Variants in GSTCD observed in about 807,000 individuals in gnomAD.
The protein encoded by GSTCD is glutathione S-transferase C-terminal domain-containing protein.
In GSTCD, 44 loss-of-function variants were observed where a neutral mutation model predicts 68.3. The observed-to-expected ratio is 0.64, with a 90% CI of 0.51 to 0.83. The LOEUF is 0.83. Ranked by LOEUF, GSTCD falls within the 40% of genes least tolerant of loss-of-function variation. The probability of loss-of-function intolerance (pLI) is 0.00; values close to 1 mark genes in which losing one functional copy is unlikely to be tolerated. For synonymous variants in GSTCD, 273 were observed against 255.2 expected (o/e 1.07, Z -0.67); for missense variants, 739 against 735.9 (o/e 1.00, Z -0.05).
intron 3 of GSTCD, among the ~76,000 whole-genome samples, chr4:105,719,820 T>C (rs1160514637): frequency 6.6e-6 from 1 of 152,186 alleles, no homozygotes; most frequent in Non-Finnish European, 1.5e-5. Context: ...TGCTAAAATG[T>C]TAACAATTGT....
At chr4:105,834,642 A>T in intron 9 of GSTCD, 48 bp downstream of exon 9, 1 of 1,546,396 alleles carries the variant, frequency 6.5e-7, no homozygotes, top group Non-Finnish European at 8.8e-7. Flanking sequence ...GGTATAAGCC[A>T]GGACACAAAA....
chr4:105,792,086 T>C (rs1419817124), intron 5 of GSTCD, among the ~76,000 whole-genome samples: 1 of 152,108 alleles, frequency 6.6e-6, no homozygotes, highest in Non-Finnish European at 1.5e-5. Flanking sequence ...TAGGATCAGA[T>C]TGGACACTGC....
At chr4:105,734,080 T>C (rs1024862897) in intron 5 of GSTCD, among the ~76,000 whole-genome samples, 4 of 152,228 alleles carry the variant, frequency 2.6e-5, no homozygotes, top group Admixed American at 2.0e-4. Context: ...GGGCTTCCTT[T>C]TGTGGGTACC....
rs1252880362 is a variant in GSTCD at position 105,718,051 on chromosome 4, G to A, written c.426+12G>A. The A allele has an allele frequency of 1.3e-6, 2 of 1,565,644 alleles. No homozygotes were observed. The highest frequency in any genetic ancestry group is 2.8e-5 in the African/African-American group (2 of 72,570). On this transcript the variant is annotated intron_variant, in intron 2 of 11. Coordinates refer to ENST00000515279, the MANE Select transcript of GSTCD (RefSeq NM_001370181.1). ...AAGCCTGTGCTGAAGTAAGTATAAT[G>A]TCTTTTTTCTGTTATTTGAAGCTAC...
chr4:105,756,733 A>T (rs1272676819), intron 5 of GSTCD, among the ~76,000 whole-genome samples: 1 of 152,048 alleles, frequency 6.6e-6, no homozygotes, highest in East Asian at 1.9e-4. Context: ...AGGGGCAAAT[A>T]CTCTGCAGAT....
chr4:105,791,408 AAG>A (rs1302285153), intron 5 of GSTCD, among the ~76,000 whole-genome samples: 16 of 151,512 alleles, frequency 1.1e-4, no homozygotes, highest in Non-Finnish European at 1.6e-4. Context: ...AAAAAAAAAA[AAG>A]AAAAAAGGAA....
At chr4:105,772,130 A>G (rs772576103) in intron 5 of GSTCD, among the ~76,000 whole-genome samples, 10 of 152,184 alleles carry the variant, frequency 6.6e-5, no homozygotes, top group Non-Finnish European at 1.3e-4. Flanking sequence ...CTTAGTAGCA[A>G]TTGTGAATGG....
chr4:105,715,905 A>G (rs1732667038), intron 1 of GSTCD, among the ~76,000 whole-genome samples: 1 of 152,122 alleles, frequency 6.6e-6, no homozygotes, highest in African/African-American at 2.4e-5. Flanking sequence ...ATTGTAATTT[A>G]TGTATTAGAA....
intron 1 of GSTCD, chr4:105,710,816 T>C (rs1732513606): frequency 6.6e-6 from 1 of 152,330 alleles, no homozygotes; most frequent in East Asian, 1.9e-4. Flanking sequence ...TGGCAACAGA[T>C]GATTCCCTGA....
At chr4:105,837,219 C>G (rs185593210) in intron 9 of GSTCD, among the ~76,000 whole-genome samples, 1 of 152,286 alleles carries the variant, frequency 6.6e-6, no homozygotes, top group East Asian at 1.9e-4. Flanking sequence ...TAAGTAAACT[C>G]ACCAACCCAG....
At chr4:105,730,974 C>G (rs571732202) in intron 5 of GSTCD, among the ~76,000 whole-genome samples, 9 of 152,240 alleles carry the variant, frequency 5.9e-5, no homozygotes, top group African/African-American at 1.9e-4. Flanking sequence ...TGCCAGTTTT[C>G]CCAGCATCAT....
intron 5 of GSTCD, among the ~76,000 whole-genome samples, chr4:105,759,439 T>C (rs1436798745): frequency 6.6e-6 from 1 of 152,118 alleles, no homozygotes; most frequent in Admixed American, 6.6e-5. Flanking sequence ...TGTTGGTCCA[T>C]TTGTCTCTTA....
Position 105,717,911 on chromosome 4 carries a change from T to C in GSTCD, c.298T>C (p.Phe100Leu). The C allele has an allele frequency of 1.2e-6, 2 of 1,614,110 alleles. No homozygotes were observed. The highest frequency in any genetic ancestry group is 1.7e-6 in the Non-Finnish European group (2 of 1,180,014). ...LPAVVERSDN[F>L]CRAGLAVVLR... is the part of the protein sequence containing the mutation. ...TGCAGTAGTAGAACGATCAGACAATTTTTGTAGAGCAGGACTTGCTGTTGT... is the reference window on the plus strand; with the variant it reads ...TGCAGTAGTAGAACGATCAGACAATCTTTGTAGAGCAGGACTTGCTGTTGT... The change falls in exon 2 of 12, where the codon TTT (phenylalanine) becomes CTT (leucine). Residue 100 changes from phenylalanine to leucine, a missense_variant. Transcript: ENST00000515279.
chr4:105,787,628 C>G (rs11736859), intron 5 of GSTCD, among the ~76,000 whole-genome samples: 1 of 151,780 alleles, frequency 6.6e-6, no homozygotes, highest in Non-Finnish European at 1.5e-5. Context: ...ACTGGGAAAC[C>G]GTTCTTCAAA....
intron 5 of GSTCD, among the ~76,000 whole-genome samples, chr4:105,730,085 T>A (rs1053962254): frequency 9.9e-5 from 15 of 152,238 alleles, no homozygotes; most frequent in Admixed American, 3.3e-4. Flanking sequence ...TCCTTTTTTA[T>A]GGCTGCATAG....
chr4:105,788,276 T>C (rs1735539943), intron 5 of GSTCD, among the ~76,000 whole-genome samples: 1 of 152,022 alleles, frequency 6.6e-6, no homozygotes, highest in Non-Finnish European at 1.5e-5. Context: ...TTCATAGAGT[T>C]TTATAATTGG....
intron 3 of GSTCD, 60 bp from the exon 4 acceptor site, chr4:105,726,519 C>A: frequency 9.0e-7 from 1 of 1,114,302 alleles, no homozygotes; most frequent in Non-Finnish European, 1.3e-6. Context: ...AAAGTTACCT[C>A]AACACAGCTA....
chr4:105,846,302 G>C lies in GSTCD; in HGVS notation c.*725G>C, dbSNP rs1724543344. 6.6e-6 allele frequency: 1 copy of C among 152,040 alleles called. No homozygotes were observed. The highest frequency in any genetic ancestry group is 2.4e-5 in the African/African-American group (1 of 41,390). 9.4% of individuals were successfully genotyped at this position (152,040 alleles called of 1,614,324 possible). On this transcript the variant is annotated 3_prime_UTR_variant, in exon 12 of 12. Coordinates refer to ENST00000515279, the MANE Select transcript of GSTCD (RefSeq NM_001370181.1). The stretch of plus-strand genomic sequence containing the variant: ...GGAAGTCAAGGCTGCAGTGAGCCTT[G>C]ATAGCGCCACTGCACTCCTGCCTGG...
intron 5 of GSTCD, among the ~76,000 whole-genome samples, chr4:105,815,756 C>A (rs1722951972): frequency 6.6e-6 from 1 of 152,050 alleles, no homozygotes; most frequent in African/African-American, 2.4e-5. Flanking sequence ...TAACTTAAGC[C>A]TCTGAAAAAG....
Sources: gnomAD v4.1 joint callset for allele counts (sites outside exome capture counted in the v4.1 genomes callset) on GRCh38, gnomAD v4.1.1 for gene constraint, MANE v1.5 for transcripts, NCBI Gene and HGNC (gene_info 2026-07-23, HGNC 2026-07-21) for gene names.